CERK: variants seen among roughly 807,000 people sequenced by gnomAD.
CERK encodes ceramide kinase.
Under a neutral mutation model 63.4 loss-of-function variants are expected in CERK, and 39 were observed. The ratio of observed to expected loss-of-function variants is 0.61; its 90% CI spans 0.48 to 0.80. The LOEUF (loss-of-function observed/expected upper bound fraction) is 0.80. CERK is among the 30% of genes least tolerant of loss of function. The probability of loss-of-function intolerance (pLI) is 0.00; values close to 1 mark genes in which losing one functional copy is unlikely to be tolerated. For missense variants in CERK, 670 were observed against 714.1 expected (o/e 0.94, Z 0.70); for synonymous variants, 302 against 280.0 (o/e 1.08, Z -0.78).
chr22:46,731,348 AC>A lies in CERK; in HGVS notation c.142+6658del, dbSNP rs1234439159. Among the ~76,000 whole-genome samples, 3 of 151,518 alleles carry A rather than the reference AC, an allele frequency of 2.0e-5. 1 individual carries two copies. The East Asian group carries it at 5.8e-4, about 29-fold the overall frequency. ...TGGGGAGCGGCAAGGAAGCACCTCCACCCCCCGCCAAGGTGGCCTTAGCAGA... is the reference window on the plus strand; with the variant it reads ...TGGGGAGCGGCAAGGAAGCACCTCCACCCCCGCCAAGGTGGCCTTAGCAGA... On this transcript the variant is annotated intron_variant, in intron 1 of 12. Transcript: ENST00000216264.
chr22:46,704,450 G>A (rs2082803491), intron 6 of CERK, among the ~76,000 whole-genome samples: 1 of 152,176 alleles, frequency 6.6e-6, no homozygotes, highest in South Asian at 2.1e-4. Flanking sequence ...AAAGTTAAAA[G>A]ACCAAAACCT....
rs1275012067 is a variant in CERK at position 46,720,932 on chromosome 22, G to A, written c.226C>T (p.Gln76Ter). 2.5e-6 allele frequency: 4 copies of A among 1,612,132 alleles called. No individual in the cohort carries two copies. Among genetic ancestry groups the A allele is most frequent in the Non-Finnish European group, 3.4e-6 (4 of 1,178,494 alleles). Residue 76 changes from glutamine (Q) to a stop codon, truncating the protein, a stop_gained, in exon 2 of 13, where the codon CAG (glutamine) becomes TAG (stop). Transcript: ENST00000216264. LOFTEE classifies it high-confidence loss of function. ...HGKHQGSGKW[Q>*]KMEKPYAFTV... ...AAAGCGTAAGGCTTTTCCATTTTCT[G>A]CCATTTTCCACTGCCTTGATGTTTC...
At position 46,702,221 on chromosome 22, in the gene CERK, A is replaced by ATGTGTGTGTG. The variant is rs1466132272; in HGVS notation, c.716-512_716-511insCACACACACA. Among the ~76,000 whole-genome samples the ATGTGTGTGTG allele has an allele frequency of 2.1e-4, 24 of 113,368 alleles. 1 individual carries two copies. Among genetic ancestry groups the ATGTGTGTGTG allele is most frequent in the South Asian group, 5.8e-4 (2 of 3,458 alleles). 74.4% of individuals were successfully genotyped at this position (113,368 alleles called of 152,430 possible). On this transcript the variant is annotated intron_variant, in intron 6 of 12. Transcript: ENST00000216264. ...GAGCCAAAAAGTTAAAAAAATATAT[A>ATGTGTGTGTG]TATGTGTGTGTGTGTGTGTGTGTGT...
chr22:46,716,822 G>A (rs2082868813), intron 3 of CERK, among the ~76,000 whole-genome samples: 1 of 151,844 alleles, frequency 6.6e-6, no homozygotes, highest in Admixed American at 6.6e-5. Flanking sequence ...CACGCCTGTA[G>A]TCCCAGCTAC....
chr22:46,697,589 T>C (rs1218162844), intron 8 of CERK, among the ~76,000 whole-genome samples: 1 of 152,218 alleles, frequency 6.6e-6, no homozygotes, highest in Non-Finnish European at 1.5e-5. Context: ...CACTGCAGCC[T>C]CTGCCTCCCG....
chr22:46,718,518 C>G (rs904072236), intron 3 of CERK, among the ~76,000 whole-genome samples: 15 of 152,108 alleles, frequency 9.9e-5, no homozygotes, highest in African/African-American at 2.9e-4. Context: ...GAGCTTTTCA[C>G]GACAGCAGGT....
At chr22:46,688,321 G>A (rs962951356) in intron 12 of CERK, among the ~76,000 whole-genome samples, 9 of 152,236 alleles carry the variant, frequency 5.9e-5, no homozygotes, top group African/African-American at 1.7e-4. Context: ...TAGACAGGAC[G>A]TATTTCAAGA....
At chr22:46,699,512 C>G (rs6007953) in intron 7 of CERK, 47 bp from the exon 8 acceptor site, 655,572 of 1,599,262 alleles carry the variant, frequency 0.41, 141,958 homozygotes, top group Non-Finnish European at 0.45. Context: ...CCTCCAGCCC[C>G]GCCCCATCCA....
At chr22:46,715,388 C>T (rs1031889296) in intron 3 of CERK, among the ~76,000 whole-genome samples, 9 of 152,280 alleles carry the variant, frequency 5.9e-5, no homozygotes, top group East Asian at 1.9e-4. Flanking sequence ...GTGAAGTTTG[C>T]AAGGTCATTG....
intron 6 of CERK, 73 bp downstream of exon 6, chr22:46,707,770 G>C (rs2082820255): frequency 1.3e-6 from 2 of 1,505,768 alleles, no homozygotes; most frequent in African/African-American, 2.8e-5. Flanking sequence ...AAGTGTCCGA[G>C]GTGGCTACTT....
intron 1 of CERK, among the ~76,000 whole-genome samples, chr22:46,728,787 G>A (rs1032306448): frequency 6.6e-6 from 1 of 152,370 alleles, no homozygotes; most frequent in African/African-American, 2.4e-5. Flanking sequence ...TTTATCTCCA[G>A]CTCTGGCCTC....
At position 46,730,130 on chromosome 22, in the gene CERK, G is replaced by A. The variant is rs801591; in HGVS notation, c.142+7877C>T. Among the ~76,000 whole-genome samples the A allele has an allele frequency of 6.3e-3, 961 of 152,198 alleles. 11 individuals are homozygous for A. Among genetic ancestry groups the A allele is most frequent in the African/African-American group, 0.022 (916 of 41,534 alleles). On this transcript the variant is annotated intron_variant, in intron 1 of 12. Transcript: ENST00000216264. ...AGTTGAACATACTTGAAGTTTTCAGGAAAGAGGCTGGGAGTGGTGGCTCAC... is the reference window on the plus strand; with the variant it reads ...AGTTGAACATACTTGAAGTTTTCAGAAAAGAGGCTGGGAGTGGTGGCTCAC...
At chr22:46,691,219 C>T (rs555497833) in intron 11 of CERK, among the ~76,000 whole-genome samples, 17 of 152,172 alleles carry the variant, frequency 1.1e-4, no homozygotes, top group African/African-American at 2.2e-4. Flanking sequence ...GGATTACAGG[C>T]GCACGCCACC....
intron 1 of CERK, among the ~76,000 whole-genome samples, chr22:46,721,789 G>C (rs1004812759): frequency 2.0e-5 from 3 of 152,188 alleles, no homozygotes; most frequent in African/African-American, 7.2e-5. Flanking sequence ...GGAGTGCAGG[G>C]GGAGGAGACA....
intron 4 of CERK, among the ~76,000 whole-genome samples, chr22:46,711,514 C>T (rs1390330162): frequency 6.6e-6 from 1 of 152,176 alleles, no homozygotes; most frequent in Non-Finnish European, 1.5e-5. Flanking sequence ...GATGTTAGTG[C>T]AGTCTCTATA....
intron 6 of CERK, among the ~76,000 whole-genome samples, chr22:46,703,899 AC>A (rs1569322678): frequency 8.6e-6 from 1 of 116,594 alleles, no homozygotes; most frequent in African/African-American, 3.4e-5. Flanking sequence ...TGTCCCGAAC[AC>A]CCCCAGCTCC....
At chr22:46,728,123 G>A (rs138223277) in intron 1 of CERK, among the ~76,000 whole-genome samples, 95 of 152,164 alleles carry the variant, frequency 6.2e-4, no homozygotes, top group African/African-American at 2.1e-3. Flanking sequence ...GACGACACCC[G>A]CAGAACTGAA....
At chr22:46,736,901 A>C (rs968386678) in intron 1 of CERK, among the ~76,000 whole-genome samples, 7 of 152,136 alleles carry the variant, frequency 4.6e-5, no homozygotes, top group African/African-American at 7.2e-5. Context: ...CAGGCTCCGA[A>C]TATCCACCAG....
chr22:46,703,946 G>A (rs1476705528), intron 6 of CERK, among the ~76,000 whole-genome samples: 1 of 151,020 alleles, frequency 6.6e-6, no homozygotes, highest in Non-Finnish European at 1.5e-5. Flanking sequence ...CTGACTCCCG[G>A]CCTAGGCCCC....
Sources: allele counts gnomAD v4.1 joint callset (sites outside exome capture counted in the v4.1 genomes callset), GRCh38; gene constraint gnomAD v4.1.1; transcripts MANE v1.5; gene names NCBI Gene and HGNC (gene_info 2026-07-23, HGNC 2026-07-21).